Variants in CDC25C observed in about 807,000 individuals in gnomAD.
CDC25C encodes the protein cell division cycle 25C.
Under a neutral mutation model 52.5 loss-of-function variants are expected in CDC25C, and 48 were observed. The ratio of observed to expected loss-of-function variants is 0.91; its 90% CI spans 0.72 to 1.16. The LOEUF is 1.16. Among genes scored for constraint, CDC25C ranks in the 50% most tolerant of loss-of-function variants. The pLI, the probability that CDC25C is intolerant of heterozygous loss-of-function variation, is 0.00. For synonymous variants in CDC25C, 187 were observed against 206.5 expected (o/e 0.91, Z 0.81); for missense variants, 510 against 566.1 (o/e 0.90, Z 1.01).
Position 138,316,613 on chromosome 5 carries a change from A to G in CDC25C, c.615+2606T>C, listed in dbSNP as rs141048722. Among the ~76,000 whole-genome samples the G allele has an allele frequency of 2.7e-3, 408 of 152,274 alleles. 3 individuals carry two copies. The highest frequency in any genetic ancestry group is 0.01 in the Middle Eastern group (3 of 292). ...GCCTTTTCTCACAGTCCATGAACCA[A>G]TCAGGAAGCACTTTCTCCCCTCTGA... On this transcript the variant is annotated intron_variant, in intron 7 of 13. Transcript: ENST00000323760.
At chr5:138,327,919 G>A (rs916852653) in intron 4 of CDC25C, among the ~76,000 whole-genome samples, 4 of 151,742 alleles carry the variant, frequency 2.6e-5, no homozygotes, top group Non-Finnish European at 1.5e-5. Context: ...CAGGCTGGAG[G>A]GCAGTGGCGC....
At chr5:138,328,640 G>A in intron 3 of CDC25C, 111 bp from the exon 4 acceptor site, 1 of 862,136 alleles carries the variant, frequency 1.2e-6, no homozygotes, top group Non-Finnish European at 2.0e-6. Flanking sequence ...CAAGGACTGA[G>A]CTTTTGAATA....
chr5:138,321,880 G>A (rs755321221), intron 6 of CDC25C, among the ~76,000 whole-genome samples: 7 of 151,458 alleles, frequency 4.6e-5, no homozygotes, highest in Non-Finnish European at 5.9e-5. Flanking sequence ...GGAGTCCATG[G>A]TCTATGAAAG....
intron 7 of CDC25C, among the ~76,000 whole-genome samples, chr5:138,295,670 A>C (rs1757125894): frequency 6.6e-6 from 1 of 152,036 alleles, no homozygotes; most frequent in Non-Finnish European, 1.5e-5. Flanking sequence ...ATACACTTAC[A>C]TGAAAATAAA....
intron 7 of CDC25C, among the ~76,000 whole-genome samples, chr5:138,314,948 G>A (rs113224318): frequency 1.0e-3 from 92 of 87,712 alleles, no homozygotes; most frequent in African/African-American, 3.5e-3. Flanking sequence ...TTTTTTTTGA[G>A]TTAGAGTCTC....
intron 7 of CDC25C, among the ~76,000 whole-genome samples, chr5:138,317,682 T>TAAAAAA (rs70982706): frequency 3.7e-5 from 2 of 54,238 alleles, no homozygotes; most frequent in African/African-American, 1.5e-4. Flanking sequence ...CCTGTCTATC[T>TAAAAAA]AAAAAAAAAA....
At chr5:138,292,491 A>C (rs907015284) in intron 7 of CDC25C, among the ~76,000 whole-genome samples, 6 of 151,738 alleles carry the variant, frequency 4.0e-5, no homozygotes, top group East Asian at 3.9e-4. Context: ...AAAAAAAAAA[A>C]AAAAAAAAAA....
Position 138,292,108 on chromosome 5 carries a change from T to G in CDC25C, c.624A>C (p.Arg208Ser). 4 of 1,611,784 alleles carry G rather than the reference T, an allele frequency of 2.5e-6. No individual in the cohort carries two copies. The highest frequency in any genetic ancestry group is 3.4e-6 in the Non-Finnish European group (4 of 1,178,914). ...TCGACGGGGAGCGATATAGGCCACT[T>G]CTGCTCACCTGTTTGGGAATATTAA... is the stretch of plus-strand genomic sequence containing the variant. ...SLKDQEAKVS[R>S]SGLYRSPSMP... is the part of the protein sequence containing the mutation. The change falls in exon 8 of 14, where the codon AGA becomes AGC. Residue 208 changes from arginine (R) to serine (S), a missense_variant. Coordinates refer to ENST00000323760, the MANE Select transcript of CDC25C (RefSeq NM_001790.5).
At chr5:138,291,884 A>G in intron 8 of CDC25C, 86 bp downstream of exon 8, 1 of 1,065,976 alleles carries the variant, frequency 9.4e-7, no homozygotes, top group Non-Finnish European at 1.3e-6. Context: ...GAAGACAAAA[A>G]AGGCATAATA....
chr5:138,311,726 T>G (rs145077985), intron 7 of CDC25C, among the ~76,000 whole-genome samples: 1 of 152,228 alleles, frequency 6.6e-6, no homozygotes, highest in Non-Finnish European at 1.5e-5. Context: ...AATTAAAAAC[T>G]TTTTTGCAAC....
intron 3 of CDC25C, among the ~76,000 whole-genome samples, chr5:138,329,120 G>A (rs1312887000): frequency 6.6e-6 from 1 of 152,064 alleles, no homozygotes; most frequent in Non-Finnish European, 1.5e-5. Context: ...GGCCAGGATG[G>A]TCTCGATCTC....
chr5:138,303,623 GCT>G (rs1300650839), intron 7 of CDC25C, among the ~76,000 whole-genome samples: 4 of 152,138 alleles, frequency 2.6e-5, no homozygotes, highest in Non-Finnish European at 5.9e-5. Flanking sequence ...TGGCTTCCTC[GCT>G]CTTTCAGATG....
intron 6 of CDC25C, among the ~76,000 whole-genome samples, chr5:138,325,014 G>A (rs1420230281): frequency 6.6e-6 from 1 of 152,204 alleles, no homozygotes; most frequent in Non-Finnish European, 1.5e-5. Flanking sequence ...AGGTTGTAGT[G>A]AGCTGAGATT....
Position 138,327,062 on chromosome 5 carries a change from C to T in CDC25C, c.336-1008G>A, listed in dbSNP as rs532012180. 3.3e-5 allele frequency among the ~76,000 whole-genome samples: 5 copies of T among 151,386 alleles called. No individual in the cohort carries two copies. In the East Asian group the frequency reaches 9.8e-4, roughly 30 times the overall value. On this transcript the variant is annotated intron_variant, in intron 4 of 13. Coordinates refer to ENST00000323760, the MANE Select transcript of CDC25C (RefSeq NM_001790.5). ...ACGAGGTCAAGAGATAGAGACCGTCCTGGCCAACATGGTGAAACCCTGTCT... is the reference window on the plus strand; with the variant it reads ...ACGAGGTCAAGAGATAGAGACCGTCTTGGCCAACATGGTGAAACCCTGTCT...
In CDC25C at chr5:138,319,322, G is replaced by A. The variant is rs759726668; in HGVS notation, c.512C>T (p.Thr171Ile). ...ATTTTTATCCAATTTTGGAACAGTAGTAATGGGACTGCCCAAATATTTCAT... is the reference window on the plus strand; with the variant it reads ...ATTTTTATCCAATTTTGGAACAGTAATAATGGGACTGCCCAAATATTTCAT... ...SEMKYLGSPI[T>I]TVPKLDKNPN... The change falls in exon 7 of 14, where the codon ACT becomes ATT. Residue 171 changes from threonine (T) to isoleucine (I), a missense_variant. Thr to Ile is a moderately conservative substitution (Grantham distance 89, BLOSUM62 -1). Transcript: ENST00000323760. The A allele has an allele frequency of 1.2e-6, 2 of 1,613,332 alleles. No individual in the cohort carries two copies.
chr5:138,316,520 A>G (rs1758884731), intron 7 of CDC25C, among the ~76,000 whole-genome samples: 1 of 151,888 alleles, frequency 6.6e-6, no homozygotes, highest in Non-Finnish European at 1.5e-5. Context: ...CCCCACCTTC[A>G]GGACGGGGAG....
rs533185612 is a variant in CDC25C at position 138,314,389 on chromosome 5, G to C, written c.615+4830C>G. On this transcript the variant is annotated intron_variant, in intron 7 of 13. Coordinates refer to ENST00000323760, the MANE Select transcript of CDC25C (RefSeq NM_001790.5). ...TGGCTCAATGCAACCTCCACCTCCT[G>C]GGTTCAAGTGATTCTCCTGCCTAAG... 1.3e-3 allele frequency among the ~76,000 whole-genome samples: 191 copies of C among 150,352 alleles called. 5 individuals carry two copies. The South Asian group carries it at 0.039, about 30-fold the overall frequency.
At chr5:138,338,198 C>T (rs1580847698) in exon 1 of CDC25C, 10 of 1,281,868 alleles carry the variant, frequency 7.8e-6, no homozygotes, top group Non-Finnish European at 1.0e-5. Flanking sequence ...TGTCCCCCTA[C>T]TCTCCTCAGG....
chr5:138,287,562 G>A (rs1756356670), intron 10 of CDC25C, among the ~76,000 whole-genome samples: 1 of 152,224 alleles, frequency 6.6e-6, no homozygotes, highest in African/African-American at 2.4e-5. Flanking sequence ...GATGCCCAAG[G>A]ACTTCTGCAG....
Sources: gnomAD v4.1 joint callset for allele counts (sites outside exome capture counted in the v4.1 genomes callset) on GRCh38, gnomAD v4.1.1 for gene constraint, MANE v1.5 for transcripts, NCBI Gene and HGNC (gene_info 2026-07-23, HGNC 2026-07-21) for gene names.